The following SCD5 variants were observed in gnomAD, a reference collection of about 807,000 sequenced individuals.
SCD5 encodes the protein stearoyl-CoA desaturase 5.
A neutral mutation model predicts 30.4 loss-of-function variants in SCD5; 20 were observed. That is an observed-to-expected ratio of 0.66 (90% CI 0.46 to 0.96). The LOEUF (loss-of-function observed/expected upper bound fraction) is 0.96. Ranked by LOEUF, SCD5 falls within the 40% of genes least tolerant of loss-of-function variation. The probability of loss-of-function intolerance (pLI) is 0.00; values close to 1 mark genes in which losing one functional copy is unlikely to be tolerated. For synonymous variants in SCD5, 173 were observed against 176.4 expected, an observed-to-expected ratio of 0.98 and a Z score of 0.16; for missense variants, 381 against 443.3, an observed-to-expected ratio of 0.86 and a Z score of 1.26.
chr4:82,763,745 C>G (rs1362900606), intron 1 of SCD5, among the ~76,000 whole-genome samples: 1 of 152,242 alleles, frequency 6.6e-6, no homozygotes, highest in Non-Finnish European at 1.5e-5. Flanking sequence ...TGACCTTGGA[C>G]GTCCAGCCTC....
intron 1 of SCD5, among the ~76,000 whole-genome samples, chr4:82,758,463 C>A (rs1721276281): frequency 6.6e-6 from 1 of 152,082 alleles, no homozygotes; most frequent in African/African-American, 2.4e-5. Flanking sequence ...TGTGGGTCCA[C>A]CCTCATGACA....
chr4:82,651,211 T>C (rs1267311530), intron 3 of SCD5, among the ~76,000 whole-genome samples: 1 of 152,224 alleles, frequency 6.6e-6, no homozygotes, highest in African/African-American at 2.4e-5. Context: ...CAAGACTCTT[T>C]GGACTATATT....
chr4:82,789,705 A>G (rs1299349848), intron 1 of SCD5, among the ~76,000 whole-genome samples: 1 of 152,212 alleles, frequency 6.6e-6, no homozygotes, highest in Non-Finnish European at 1.5e-5. Flanking sequence ...GCCCTGCAGT[A>G]GCCCCAACAC....
Position 82,772,744 on chromosome 4 carries a change from C to T in SCD5, c.232+25562G>A, listed in dbSNP as rs567211387. Among the ~76,000 whole-genome samples the T allele has an allele frequency of 1.4e-4, 21 of 152,302 alleles. No homozygotes were observed. The South Asian group carries it at 3.1e-3, about 23-fold the overall frequency. On this transcript the variant is annotated intron_variant, in intron 1 of 4. Transcript: ENST00000319540. Reference sequence around the variant, plus strand: ...ATGCGCCCTAGGTGGGGTGCTCCCCCGCTGTGCTCCCCTGAACCCTGTATG... The same window carrying T: ...ATGCGCCCTAGGTGGGGTGCTCCCCTGCTGTGCTCCCCTGAACCCTGTATG...
At chr4:82,665,596 T>C (rs780896730) in intron 3 of SCD5, among the ~76,000 whole-genome samples, 39 of 151,996 alleles carry the variant, frequency 2.6e-4, no homozygotes, top group Non-Finnish European at 5.1e-4. Flanking sequence ...TTATGTCTGG[T>C]AAAAATACCT....
intron 1 of SCD5, among the ~76,000 whole-genome samples, chr4:82,714,385 A>G (rs1720177675): frequency 6.6e-6 from 1 of 152,156 alleles, no homozygotes; most frequent in Non-Finnish European, 1.5e-5. Flanking sequence ...TCCAGACAAG[A>G]TAGGTGTAGT....
At position 82,631,413 on chromosome 4, in the gene SCD5, A is replaced by G; in HGVS notation, c.907T>C (p.Trp303Arg). Residue 303 changes from tryptophan (W) to arginine (R), a missense_variant, in exon 5 of 5, where the codon TGG (tryptophan) becomes CGG (arginine). Trp to Arg is a moderately radical substitution (Grantham distance 101, BLOSUM62 -3). Coordinates refer to ENST00000319540, the MANE Select transcript of SCD5 (RefSeq NM_001037582.3). ...PTTWFIDFMC[W>R]LGLATDRKRA... is the part of the protein sequence containing the mutation. ...TTGCGGTCAGTGGCCAGCCCCAGCCAGCACATGAAATCAATGAACCAGGTG... is the reference window on the plus strand; with the variant it reads ...TTGCGGTCAGTGGCCAGCCCCAGCCGGCACATGAAATCAATGAACCAGGTG... The G allele has an allele frequency of 3.1e-6, 5 of 1,614,196 alleles. No individual in the cohort carries two copies. The highest frequency in any genetic ancestry group is 4.2e-6 in the Non-Finnish European group (5 of 1,180,032).
intron 1 of SCD5, among the ~76,000 whole-genome samples, chr4:82,762,472 A>T (rs1228284112): frequency 6.6e-6 from 1 of 152,086 alleles, no homozygotes; most frequent in African/African-American, 2.4e-5. Flanking sequence ...CGAACTCCCA[A>T]CCTTAGGTGA....
At chr4:82,636,136 C>T (rs1727423961) in intron 4 of SCD5, among the ~76,000 whole-genome samples, 1 of 152,110 alleles carries the variant, frequency 6.6e-6, no homozygotes, top group African/African-American at 2.4e-5. Context: ...GATAGGAAAA[C>T]TGTAAATCAG....
chr4:82,645,637 A>C (rs1727621651), intron 3 of SCD5, among the ~76,000 whole-genome samples: 1 of 152,214 alleles, frequency 6.6e-6, no homozygotes, highest in East Asian at 1.9e-4. Context: ...ATTCTGGACA[A>C]GGAGTCCATT....
chr4:82,672,050 A>C (rs1728338392), intron 3 of SCD5, among the ~76,000 whole-genome samples: 7 of 152,242 alleles, frequency 4.6e-5, no homozygotes, highest in African/African-American at 1.4e-4. Flanking sequence ...GGGATGCCAT[A>C]AAAGCAGTGC....
chr4:82,648,784 A>T (rs1214042267), intron 3 of SCD5, among the ~76,000 whole-genome samples: 2 of 152,134 alleles, frequency 1.3e-5, no homozygotes, highest in Non-Finnish European at 2.9e-5. Flanking sequence ...CAGACAACTA[A>T]GACTATTCAA....
rs534216988 is a variant in SCD5 at position 82,762,965 on chromosome 4, C to T, written c.232+35341G>A. ...GAGCGGTGGAGCACAGCCCCATCGC[C>T]TTCCTGGTCCCCCTCTGTAGGGCTC... On this transcript the variant is annotated intron_variant, in intron 1 of 4. Transcript: ENST00000319540. Among the ~76,000 whole-genome samples the T allele has an allele frequency of 1.2e-3, 179 of 152,270 alleles. 1 individual carries two copies. Among genetic ancestry groups the T allele is most frequent in the Non-Finnish European group, 2.0e-3 (133 of 68,030 alleles).
chr4:82,755,580 C>G (rs1255014396), intron 1 of SCD5, among the ~76,000 whole-genome samples: 1 of 152,110 alleles, frequency 6.6e-6, no homozygotes, highest in Non-Finnish European at 1.5e-5. Context: ...AGTAGTGGAA[C>G]CTGTCCAACA....
intron 1 of SCD5, among the ~76,000 whole-genome samples, chr4:82,738,138 C>T (rs72906438): frequency 0.061 from 9,247 of 152,178 alleles, 401 homozygotes; most frequent in African/African-American, 0.11. Flanking sequence ...AAAGTTATCA[C>T]GGCCGGGCCC....
chr4:82,735,109 CA>C (rs1331989884), intron 1 of SCD5, among the ~76,000 whole-genome samples: 1 of 152,120 alleles, frequency 6.6e-6, no homozygotes, highest in African/African-American at 2.4e-5. Context: ...AGCAGGTCCT[CA>C]AAAAAGTGTC....
intron 3 of SCD5, among the ~76,000 whole-genome samples, chr4:82,645,680 C>T (rs191222832): frequency 5.9e-5 from 9 of 152,292 alleles, no homozygotes; most frequent in East Asian, 3.9e-4. Context: ...CACACAACAG[C>T]GCCCCAATCC....
chr4:82,783,017 AACC>A (rs1436228492), intron 1 of SCD5, among the ~76,000 whole-genome samples: 1 of 152,212 alleles, frequency 6.6e-6, no homozygotes, highest in East Asian at 1.9e-4. Flanking sequence ...TGGCTATAAG[AACC>A]ACCAGCAACA....
intron 3 of SCD5, among the ~76,000 whole-genome samples, chr4:82,679,228 GAA>G (rs749149760): frequency 9.3e-5 from 8 of 85,758 alleles, no homozygotes; most frequent in Non-Finnish European, 1.7e-4. Flanking sequence ...AGAAAAGAAA[GAA>G]AGAAAGAAAG....
Sources: allele counts gnomAD v4.1 joint callset (sites outside exome capture counted in the v4.1 genomes callset), GRCh38; gene constraint gnomAD v4.1.1; transcripts MANE v1.5; gene names NCBI Gene and HGNC (gene_info 2026-07-23, HGNC 2026-07-21).